The following NRG1 variants were observed in gnomAD, a reference collection of about 807,000 sequenced individuals.
NRG1 encodes neuregulin 1.
Under a neutral mutation model 63.8 loss-of-function variants are expected in NRG1, and 18 were observed. That is an observed-to-expected ratio of 0.28 (90% CI 0.19 to 0.42). The LOEUF (loss-of-function observed/expected upper bound fraction) is 0.42, where lower values mean the gene tolerates loss of function less well. NRG1 is among the 10% of genes least tolerant of loss of function. The pLI is 1.00. For missense variants in NRG1, 762 were observed against 814.7 expected (o/e 0.94, Z 0.79); for synonymous variants, 302 against 301.3 (o/e 1.00, Z -0.02).
intron 1 of NRG1, among the ~76,000 whole-genome samples, chr8:32,466,603 TC>T (rs1278239506): frequency 6.6e-6 from 1 of 152,128 alleles, no homozygotes; most frequent in Non-Finnish European, 1.5e-5. Flanking sequence ...TTTGCAAGGA[TC>T]ATTGGGTGAT....
chr8:32,190,685 C>A (rs1245196764), intron 1 of NRG1, among the ~76,000 whole-genome samples: 1 of 152,020 alleles, frequency 6.6e-6, no homozygotes, highest in Non-Finnish European at 1.5e-5. Flanking sequence ...TAGTGGATAC[C>A]AGAACTGTGA....
At position 32,727,878 on chromosome 8, in the gene NRG1, T is replaced by A; in HGVS notation, c.503-71T>A. 3.4e-6 allele frequency: 5 copies of A among 1,481,416 alleles called. No homozygotes were observed. The South Asian group carries it at 6.0e-5, about 18-fold the overall frequency. 91.8% of individuals were successfully genotyped at this position (1,481,416 alleles called of 1,614,324 possible). On this transcript the variant is annotated intron_variant, in intron 5 of 11. Coordinates refer to ENST00000356819, the Ensembl canonical transcript of NRG1. ...TATGAACTCTTCCTTTTAGGATAAT[T>A]TAAGATTAAAGGCTGCTTAGAAGGG...
At chr8:31,942,129 C>T (rs1801842111) in intron 1 of NRG1, among the ~76,000 whole-genome samples, 1 of 152,076 alleles carries the variant, frequency 6.6e-6, no homozygotes, top group South Asian at 2.1e-4. Flanking sequence ...CATTATCTAA[C>T]ATGAAACTAT....
intron 1 of NRG1, among the ~76,000 whole-genome samples, chr8:31,681,945 C>T (rs937989701): frequency 5.3e-5 from 8 of 152,086 alleles, no homozygotes; most frequent in African/African-American, 1.9e-4. Flanking sequence ...TGAACCTATG[C>T]TGCTGCATCA....
intron 1 of NRG1, among the ~76,000 whole-genome samples, chr8:31,864,042 T>C (rs1369966035): frequency 6.6e-6 from 1 of 152,230 alleles, no homozygotes; most frequent in Non-Finnish European, 1.5e-5. Flanking sequence ...CCTGGTAATA[T>C]AAACATGGAA....
At position 31,970,242 on chromosome 8, in the gene NRG1, C is replaced by G. The variant is rs573208105; in HGVS notation, c.37+330811C>G. Among the ~76,000 whole-genome samples the G allele has an allele frequency of 3.3e-5, 5 of 152,212 alleles. No individual in the cohort carries two copies. The South Asian group carries it at 1.0e-3, about 32-fold the overall frequency. ...CAGTAAATTCAGATATAGATTACAA[C>G]CATTTTCAGGATATAATAAAGAAGG... On this transcript the variant is annotated intron_variant, in intron 1 of 10. Transcript: ENST00000519301.
chr8:32,329,107 T>C (rs1430048633), intron 1 of NRG1, among the ~76,000 whole-genome samples: 1 of 152,082 alleles, frequency 6.6e-6, no homozygotes, highest in African/African-American at 2.4e-5. Context: ...GCTGGCACTA[T>C]GGGCATGCAT....
intron 2 of NRG1, among the ~76,000 whole-genome samples, chr8:32,602,278 C>A (rs1048149245): frequency 1.3e-5 from 2 of 152,086 alleles, no homozygotes; most frequent in South Asian, 4.1e-4. Flanking sequence ...TCTTTTAAAG[C>A]CTAACATTTG....
chr8:32,399,914 G>T (rs1812949004), intron 1 of NRG1, among the ~76,000 whole-genome samples: 1 of 152,138 alleles, frequency 6.6e-6, no homozygotes, highest in Non-Finnish European at 1.5e-5. Context: ...CATTCTTCAA[G>T]TACATGTAAG....
chr8:32,259,087 T>A (rs909467411), intron 1 of NRG1, among the ~76,000 whole-genome samples: 1 of 152,192 alleles, frequency 6.6e-6, no homozygotes, highest in Admixed American at 6.5e-5. Flanking sequence ...CTCTCATGAA[T>A]CCGAATCCCT....
intron 1 of NRG1, among the ~76,000 whole-genome samples, chr8:32,509,093 TTTTATATTTTATTTTATTTTA>T (rs1828880642): frequency 6.8e-6 from 1 of 147,556 alleles, no homozygotes; most frequent in African/African-American, 2.5e-5. Flanking sequence ...TTTTATTTTA[TTTTATATTTTATTTTATTTTA>T]TTTTTTGCGA....
At chr8:32,417,540 A>G (rs1816089704) in intron 1 of NRG1, among the ~76,000 whole-genome samples, 1 of 152,320 alleles carries the variant, frequency 6.6e-6, no homozygotes, top group Non-Finnish European at 1.5e-5. Flanking sequence ...ACAGATATTC[A>G]GATCCATAGA....
At chr8:32,722,731 G>A (rs1291592986) in intron 5 of NRG1, among the ~76,000 whole-genome samples, 1 of 152,058 alleles carries the variant, frequency 6.6e-6, no homozygotes, top group Non-Finnish European at 1.5e-5. Context: ...TGGAAATTCA[G>A]TCAGAAATAT....
chr8:32,128,636 A>G (rs1398052827), intron 1 of NRG1, among the ~76,000 whole-genome samples: 2 of 151,946 alleles, frequency 1.3e-5, no homozygotes, highest in East Asian at 1.9e-4. Context: ...CAGGCTGCCC[A>G]TGTTTAGTCT....
intron 1 of NRG1, among the ~76,000 whole-genome samples, chr8:32,036,530 A>G (rs1345968741): frequency 1.3e-5 from 2 of 152,064 alleles, no homozygotes; most frequent in African/African-American, 4.8e-5. Flanking sequence ...ATATTTTCCA[A>G]CTTGATTCTG....
intron 6 of NRG1, among the ~76,000 whole-genome samples, chr8:32,729,775 C>T (rs569666127): frequency 2.0e-4 from 30 of 152,174 alleles, no homozygotes; most frequent in Admixed American, 3.9e-4. Context: ...AAAAAAGCAA[C>T]GATCGAAAAT....
chr8:31,992,731 G>A (rs1811303927), intron 1 of NRG1, among the ~76,000 whole-genome samples: 1 of 151,982 alleles, frequency 6.6e-6, no homozygotes, highest in Non-Finnish European at 1.5e-5. Flanking sequence ...AAAAGACATT[G>A]TGTAGGACAG....
At chr8:32,647,720 G>A in intron 5 of NRG1, 5 of 1,558,922 alleles carry the variant, frequency 3.2e-6, no homozygotes, top group Non-Finnish European at 4.3e-6. Context: ...GTGAGCCGAT[G>A]GAGATTTATT....
chr8:32,293,276 T>G (rs1854424186), intron 1 of NRG1, among the ~76,000 whole-genome samples: 1 of 152,120 alleles, frequency 6.6e-6, no homozygotes, highest in Admixed American at 6.5e-5. Flanking sequence ...TGCAATCACA[T>G]GGGTTCTTCT....
Sources: gnomAD v4.1 joint callset for allele counts (sites outside exome capture counted in the v4.1 genomes callset) on GRCh38, gnomAD v4.1.1 for gene constraint, MANE v1.5 for transcripts, NCBI Gene and HGNC (gene_info 2026-07-23, HGNC 2026-07-21) for gene names.